INSR: variants seen among roughly 807,000 people sequenced by gnomAD.
INSR encodes IR.
In INSR, 67 loss-of-function variants were observed where a neutral mutation model predicts 142.6. The ratio of observed to expected loss-of-function variants is 0.47; its 90% CI spans 0.39 to 0.58. The LOEUF (loss-of-function observed/expected upper bound fraction) is 0.58. Ranked by LOEUF, INSR falls within the 20% of genes least tolerant of loss-of-function variation. INSR has a pLI of 0.00. For missense variants in INSR, 1,248 were observed against 1,833.2 expected (o/e 0.68, Z 5.83); for synonymous variants, 756 against 743.1 (o/e 1.02, Z -0.28).
At chr19:7,121,298 C>T (rs1599868741) in intron 19 of INSR, among the ~76,000 whole-genome samples, 1 of 151,962 alleles carries the variant, frequency 6.6e-6, no homozygotes, top group East Asian at 2.0e-4. Context: ...CGCACCTGGC[C>T]AGGAGATGTC....
Position 7,267,865 on chromosome 19 carries a change from G to A in INSR, c.132C>T (p.Leu44=), listed in dbSNP as rs1209087705. The change falls in exon 2 of 22, where the codon CTC becomes CTT. Residue 44 remains leucine, a synonymous_variant. Coordinates refer to ENST00000302850, the MANE Select transcript of INSR (RefSeq NM_000208.4). This position sits in a 1 kb window ranked among gnomAD's most constrained non-coding sequence, Gnocchi z 6.3. ...VCPGMDIRNN[L]TRLHELENCS... ...AATTCTCCAGCTCATGCAACCTAGT[G>A]AGGTTGTTCCGGATATCCATGCCGG... is the stretch of plus-strand genomic sequence containing the variant. 1.2e-6 allele frequency: 2 copies of A among 1,614,038 alleles called. No homozygotes were observed. Among genetic ancestry groups the A allele is most frequent in the Admixed American group, 1.7e-5 (1 of 59,978 alleles).
intron 2 of INSR, among the ~76,000 whole-genome samples, chr19:7,223,140 G>A (rs1045483430): frequency 1.4e-4 from 21 of 152,216 alleles, no homozygotes; most frequent in East Asian, 7.7e-4. Flanking sequence ...CTGAGACTGC[G>A]CCACTGCACT....
chr19:7,138,484 C>G (rs913601336), intron 13 of INSR, among the ~76,000 whole-genome samples: 1 of 151,478 alleles, frequency 6.6e-6, no homozygotes, highest in African/African-American at 2.4e-5. Context: ...AAGCAATTCT[C>G]TCCTCAGCCT....
At chr19:7,220,122 C>A (rs1253925876) in intron 2 of INSR, among the ~76,000 whole-genome samples, 1 of 152,166 alleles carries the variant, frequency 6.6e-6, no homozygotes, top group Non-Finnish European at 1.5e-5. Context: ...AGAGTCCACA[C>A]AATGAGGTCT....
chr19:7,185,912 A>AT (rs1370612014), intron 2 of INSR, among the ~76,000 whole-genome samples: 4 of 139,666 alleles, frequency 2.9e-5, no homozygotes, highest in Non-Finnish European at 6.2e-5. Context: ...GAAAAAAAAA[A>AT]GGCTGGTTGT....
intron 9 of INSR, among the ~76,000 whole-genome samples, chr19:7,153,197 CCA>C (rs1385675391): frequency 0.025 from 1,194 of 48,614 alleles, 4 homozygotes; most frequent in Non-Finnish European, 0.054. Flanking sequence ...CACACACACA[CCA>C]CACACACCAC....
intron 1 of INSR, among the ~76,000 whole-genome samples, chr19:7,272,731 C>T (rs1030926871): frequency 6.6e-6 from 1 of 152,138 alleles, no homozygotes; most frequent in Non-Finnish European, 1.5e-5. Context: ...CAGACATGCA[C>T]CACCATGCCC....
At position 7,112,467 on chromosome 19, in the gene INSR, TC is replaced by T. The variant is rs1299282831; in HGVS notation, c.*4588del. On this transcript the variant is annotated 3_prime_UTR_variant, in exon 22 of 22. Transcript: ENST00000302850. ...TCTGCAAAAGCTGCAGCACATTTGATCCTGCGTTGCCAACGCACAGGGCCGA... is the reference window on the plus strand; with the variant it reads ...TCTGCAAAAGCTGCAGCACATTTGATCTGCGTTGCCAACGCACAGGGCCGA... The T allele has an allele frequency of 5.3e-5, 8 of 152,192 alleles. No homozygotes were observed. Among genetic ancestry groups the T allele is most frequent in the African/African-American group, 1.9e-4 (8 of 41,424 alleles). 9.4% of individuals were successfully genotyped at this position (152,192 alleles called of 1,614,324 possible). A position where few individuals can be genotyped will look rare whatever the true frequency, so the allele number is the denominator to read the frequency against.
Position 7,170,700 on chromosome 19 carries a change from G to A in INSR, c.1320C>T (p.Asp440=), listed in dbSNP as rs2144950651. ...TGATGGTGAGGTTGTGTTTGCTCCA[G>A]TCCCAGAGCTGCCTTAGGTTCTGGT... ...LDNQNLRQLW[D]WSKHNLTITQ... Residue 440 remains aspartate, a synonymous_variant, in exon 6 of 22, where the codon GAC becomes GAT. Transcript: ENST00000302850. 6.2e-7 allele frequency: 1 copy of A among 1,614,106 alleles called. No homozygotes were observed. Among genetic ancestry groups the A allele is most frequent in the Non-Finnish European group, 8.5e-7 (1 of 1,180,010 alleles).
intron 2 of INSR, among the ~76,000 whole-genome samples, chr19:7,256,712 T>C (rs1976904357): frequency 6.6e-6 from 1 of 151,294 alleles, no homozygotes; most frequent in African/African-American, 2.4e-5. Context: ...GACAACAGAG[T>C]TGAGACCCTT....
At chr19:7,265,045 A>G (rs1176828770) in intron 2 of INSR, among the ~76,000 whole-genome samples, 1 of 152,076 alleles carries the variant, frequency 6.6e-6, no homozygotes, top group Non-Finnish European at 1.5e-5. Context: ...CCTCCCTTCT[A>G]TCTTTTGTGA....
At chr19:7,242,245 T>C (rs909226580) in intron 2 of INSR, among the ~76,000 whole-genome samples, 2 of 151,938 alleles carry the variant, frequency 1.3e-5, no homozygotes, top group African/African-American at 4.8e-5. Context: ...GGTGTGTTCC[T>C]GTAGCCCCAG....
In INSR at chr19:7,225,013, A is replaced by G. The variant is rs956041416; in HGVS notation, c.653-40376T>C. 6.6e-6 allele frequency among the ~76,000 whole-genome samples: 1 copy of G among 152,168 alleles called. No homozygotes were observed. Among genetic ancestry groups the G allele is most frequent in the Non-Finnish European group, 1.5e-5 (1 of 68,022 alleles). ...ACAGAGACAGAGAGGGGAGTATCCCATTAAGGCAGCAGGGCAGCAGCAAAG... is the reference window on the plus strand; with the variant it reads ...ACAGAGACAGAGAGGGGAGTATCCCGTTAAGGCAGCAGGGCAGCAGCAAAG... On this transcript the variant is annotated intron_variant, in intron 2 of 21. Coordinates refer to ENST00000302850, the MANE Select transcript of INSR (RefSeq NM_000208.4). The surrounding 1 kb of genome is among the most constrained non-coding windows in gnomAD (Gnocchi z 4.7).
chr19:7,234,078 T>A (rs1296024327), intron 2 of INSR, among the ~76,000 whole-genome samples: 14 of 152,010 alleles, frequency 9.2e-5, no homozygotes, highest in Non-Finnish European at 1.0e-4. Context: ...CTAATTTTTT[T>A]TATTTTTAGT....
intron 2 of INSR, among the ~76,000 whole-genome samples, chr19:7,208,405 G>A (rs1370981442): frequency 6.6e-6 from 1 of 151,704 alleles, no homozygotes; most frequent in Non-Finnish European, 1.5e-5. Flanking sequence ...AAAATTTAAT[G>A]TACTTTCCTT....
At position 7,150,505 on chromosome 19, in the gene INSR, C is replaced by T. The variant is rs749680238; in HGVS notation, c.2259G>A (p.Glu753=). Residue 753 remains glutamate, a synonymous_variant, in exon 11 of 22, where the codon GAG becomes GAA. Transcript: ENST00000302850. The surrounding 1 kb of genome is among the most constrained non-coding windows in gnomAD (Gnocchi z 4.2). ...PRKTSSGTGA[E]DPRPSRKRRS... is the part of the protein sequence containing the mutation. ...GCACAGGTGAGTCATACCTAGGGTC[C>T]TCGGCACCAGTGCCTGAAGAGGTTT... 8.1e-6 allele frequency: 13 copies of T among 1,614,182 alleles called. No homozygotes were observed. In the South Asian group the frequency reaches 1.3e-4, roughly 16 times the overall value.
chr19:7,162,782 T>C (rs191721304), intron 9 of INSR, among the ~76,000 whole-genome samples: 64 of 152,080 alleles, frequency 4.2e-4, no homozygotes, highest in Non-Finnish European at 8.2e-4. Flanking sequence ...GTCGCGTCAT[T>C]GCACTCCAGC....
At chr19:7,190,964 C>T (rs1161825353) in intron 2 of INSR, among the ~76,000 whole-genome samples, 2 of 152,060 alleles carry the variant, frequency 1.3e-5, no homozygotes, top group Non-Finnish European at 2.9e-5. Context: ...CATGGTACCC[C>T]ATAAATATGT....
chr19:7,268,332 G>A (rs747928238), intron 1 of INSR: 12 of 647,944 alleles, frequency 1.9e-5, no homozygotes, highest in Non-Finnish European at 2.1e-5. Flanking sequence ...TATTTGTTTT[G>A]TCAATCCTCC....
Sources: allele counts gnomAD v4.1 joint callset (sites outside exome capture counted in the v4.1 genomes callset), GRCh38; gene constraint gnomAD v4.1.1; non-coding constraint Gnocchi (gnomAD v3.1); transcripts MANE v1.5; gene names NCBI Gene and HGNC (gene_info 2026-07-23, HGNC 2026-07-21).